The following ZHX2 variants were observed in gnomAD, a reference collection of about 807,000 sequenced individuals.
ZHX2 encodes the protein zinc fingers and homeoboxes protein 2.
ZHX2 carries 6 observed loss-of-function variants against 21.9 expected under a neutral mutation model. The ratio of observed to expected loss-of-function variants is 0.27; its 90% CI spans 0.15 to 0.54. ZHX2 has a LOEUF of 0.54. Ranked by LOEUF, ZHX2 falls within the 20% of genes least tolerant of loss-of-function variation. The pLI, the probability that ZHX2 is intolerant of heterozygous loss-of-function variation, is 0.95. For missense variants in ZHX2, 908 were observed against 1,090.7 expected (o/e 0.83, Z 2.36); for synonymous variants, 434 against 437.1 (o/e 0.99, Z 0.09).
intron 1 of ZHX2, among the ~76,000 whole-genome samples, chr8:122,843,715 C>T (rs1281770271): frequency 1.3e-5 from 2 of 152,194 alleles, no homozygotes; most frequent in Non-Finnish European, 2.9e-5. Flanking sequence ...TGGGAAAGAA[C>T]TGTTGGCACC....
chr8:122,965,520 T>A, intron 3 of ZHX2, among the ~76,000 whole-genome samples: 1 of 152,220 alleles, frequency 6.6e-6, no homozygotes, highest in Non-Finnish European at 1.5e-5. Context: ...GAGTACTTGA[T>A]ATAATTTCAA....
intron 2 of ZHX2, among the ~76,000 whole-genome samples, chr8:122,867,562 G>C (rs891768870): frequency 6.6e-6 from 1 of 152,150 alleles, no homozygotes; most frequent in South Asian, 2.1e-4. Context: ...AAATTGCCAG[G>C]GAATTTGAAT....
intron 2 of ZHX2, among the ~76,000 whole-genome samples, chr8:122,874,685 T>G (rs1795447286): frequency 6.6e-6 from 1 of 152,100 alleles, no homozygotes; most frequent in African/African-American, 2.4e-5. Context: ...ATTTTACCAC[T>G]GAGAAAACAG....
chr8:122,908,405 T>A (rs189070384), intron 2 of ZHX2, among the ~76,000 whole-genome samples: 1 of 152,264 alleles, frequency 6.6e-6, no homozygotes, highest in African/African-American at 2.4e-5. Context: ...AGACGGGGTT[T>A]CACCATGTTG....
At chr8:122,897,080 G>T (rs1820116502) in intron 2 of ZHX2, among the ~76,000 whole-genome samples, 1 of 152,186 alleles carries the variant, frequency 6.6e-6, no homozygotes, top group Non-Finnish European at 1.5e-5. Flanking sequence ...TTGGCAACTT[G>T]ATAGACCCTT....
chr8:122,830,031 T>A (rs562788808), intron 1 of ZHX2, among the ~76,000 whole-genome samples: 124 of 152,274 alleles, frequency 8.1e-4, no homozygotes, highest in Middle Eastern at 3.4e-3. Context: ...GGAGGCTGGG[T>A]AAAATGAGGC....
chr8:122,973,440 G>A lies in ZHX2; in HGVS notation c.*203G>A, dbSNP rs1172316945. 3 of 152,710 alleles carry A rather than the reference G, an allele frequency of 2.0e-5. No individual in the cohort carries two copies. Among genetic ancestry groups the A allele is most frequent in the Admixed American group, 6.5e-5 (1 of 15,280 alleles). 9.5% of individuals were successfully genotyped at this position (152,710 alleles called of 1,614,324 possible). On this transcript the variant is annotated 3_prime_UTR_variant, in exon 4 of 4. Transcript: ENST00000314393. ...AGAGGACCGGTGGGAATTGTTCATA[G>A]TGCCAAAGTCCTACTACTGCGTTTT...
rs1813165448 is a variant in ZHX2 at position 122,952,875 on chromosome 8, G to A, written c.1365G>A (p.Lys455=). The change falls in exon 3 of 4, where the codon AAG becomes AAA. Residue 455 remains lysine (K), a synonymous_variant. Coordinates refer to ENST00000314393, the MANE Select transcript of ZHX2 (RefSeq NM_014943.5). The surrounding 1 kb of genome is among the most constrained non-coding windows in gnomAD (Gnocchi z 6.9). ...KKTKEQIAHL[K]ASFLQSQFPD... ...CAAAGGAGCAGATAGCACATCTCAA[G>A]GCCAGCTTTCTCCAGAGCCAGTTCC... The A allele has an allele frequency of 6.2e-7, 1 of 1,614,134 alleles. No homozygotes were observed. The highest frequency in any genetic ancestry group is 8.5e-7 in the Non-Finnish European group (1 of 1,180,048).
chr8:122,924,859 C>T (rs1314284489), intron 2 of ZHX2, among the ~76,000 whole-genome samples: 1 of 152,156 alleles, frequency 6.6e-6, no homozygotes, highest in Non-Finnish European at 1.5e-5. Context: ...ATCTGAGTCG[C>T]GGTCTCAGTT....
intron 2 of ZHX2, among the ~76,000 whole-genome samples, chr8:122,916,327 G>A (rs943165823): frequency 5.3e-5 from 8 of 152,162 alleles, no homozygotes; most frequent in African/African-American, 1.4e-4. Flanking sequence ...TTGAGCCATC[G>A]AGGCTGAGAA....
At chr8:122,958,277 G>C (rs1411880700) in intron 3 of ZHX2, among the ~76,000 whole-genome samples, 3 of 152,202 alleles carry the variant, frequency 2.0e-5, no homozygotes, top group Non-Finnish European at 4.4e-5. Context: ...CCCAGCCTTT[G>C]AATTGTGTTG....
intron 2 of ZHX2, among the ~76,000 whole-genome samples, chr8:122,949,587 T>C (rs1351373932): frequency 6.6e-6 from 1 of 152,168 alleles, no homozygotes; most frequent in African/African-American, 2.4e-5. Context: ...CTCACACCCA[T>C]GATCCCAGCA....
chr8:122,903,704 G>A (rs13264706), intron 2 of ZHX2, among the ~76,000 whole-genome samples: 87,914 of 151,986 alleles, frequency 0.58, 26,253 homozygotes, highest in African/African-American at 0.72. Flanking sequence ...GGGGAGTGGC[G>A]TGTTGTTCTG....
chr8:122,883,395 C>A (rs1302048394), intron 2 of ZHX2, among the ~76,000 whole-genome samples: 1 of 152,084 alleles, frequency 6.6e-6, no homozygotes, highest in Non-Finnish European at 1.5e-5. Flanking sequence ...AGAAGGGAAG[C>A]AAGAGAGAGA....
intron 2 of ZHX2, among the ~76,000 whole-genome samples, chr8:122,902,445 T>C (rs1050559241): frequency 6.6e-6 from 1 of 152,212 alleles, no homozygotes; most frequent in African/African-American, 2.4e-5. Context: ...CAGCTGTACA[T>C]TGGGGATGGA....
intron 1 of ZHX2, among the ~76,000 whole-genome samples, chr8:122,841,104 G>A (rs901709055): frequency 6.6e-6 from 1 of 152,138 alleles, no homozygotes; most frequent in Middle Eastern, 3.2e-3. Context: ...TTTCGTTTTA[G>A]CAGCAGCATT....
Position 122,953,281 on chromosome 8 carries a change from G to C in ZHX2, c.1771G>C (p.Val591Leu). ...RKLRDSMEQAVLDSMGSGKKG... is the reference protein window; with the variant it reads ...RKLRDSMEQALLDSMGSGKKG... ...GCTTCGAGACAGCATGGAACAAGCT[G>C]TCTTGGATTCCATGGGGTCTGGCAA... is the stretch of plus-strand genomic sequence containing the variant. The change falls in exon 3 of 4, where the codon GTC (valine) becomes CTC (leucine). Residue 591 changes from valine to leucine, a missense_variant. Coordinates refer to ENST00000314393, the MANE Select transcript of ZHX2 (RefSeq NM_014943.5). This position sits in a 1 kb window ranked among gnomAD's most constrained non-coding sequence, Gnocchi z 4.6. The C allele has an allele frequency of 1.2e-6, 2 of 1,614,126 alleles. No homozygotes were observed. Among genetic ancestry groups the C allele is most frequent in the Non-Finnish European group, 1.7e-6 (2 of 1,180,030 alleles).
chr8:122,901,243 C>A (rs991063553), intron 2 of ZHX2, among the ~76,000 whole-genome samples: 1 of 151,974 alleles, frequency 6.6e-6, no homozygotes, highest in Non-Finnish European at 1.5e-5. Context: ...TTTTAAAAAC[C>A]ACTATGCATA....
intron 2 of ZHX2, among the ~76,000 whole-genome samples, chr8:122,889,700 G>A (rs1197413167): frequency 2.0e-5 from 3 of 152,044 alleles, no homozygotes; most frequent in Non-Finnish European, 4.4e-5. Flanking sequence ...ACCTATTCAC[G>A]GATTTTTCTT....
Sources: allele counts gnomAD v4.1 joint callset (sites outside exome capture counted in the v4.1 genomes callset), GRCh38; gene constraint gnomAD v4.1.1; non-coding constraint Gnocchi (gnomAD v3.1); transcripts MANE v1.5; gene names NCBI Gene and HGNC (gene_info 2026-07-23, HGNC 2026-07-21).